Variants in ABCC2 observed in about 807,000 individuals in gnomAD.
The protein encoded by ABCC2 is ATP-binding cassette sub-family C member 2.
Under a neutral mutation model 173.4 loss-of-function variants are expected in ABCC2, and 157 were observed. The observed-to-expected ratio is 0.91, with a 90% CI of 0.80 to 1.03. The LOEUF (loss-of-function observed/expected upper bound fraction) is 1.03, where lower values mean the gene tolerates loss of function less well. ABCC2 is among the 50% of genes least tolerant of loss of function. The pLI, the probability that ABCC2 is intolerant of heterozygous loss-of-function variation, is 0.00. For synonymous variants in ABCC2, 657 were observed against 693.5 expected (o/e 0.95, Z 0.83); for missense variants, 1,822 against 1,852.3 (o/e 0.98, Z 0.30).
chr10:99,838,147 G>A (rs1349864900), intron 25 of ABCC2, among the ~76,000 whole-genome samples: 162 of 72,666 alleles, frequency 2.2e-3, no homozygotes, highest in Non-Finnish European at 3.2e-3. Context: ...CTGGCCGGGC[G>A]GGGGGCTGAC....
In ABCC2 at chr10:99,840,691, GT is replaced by G. The variant is rs1203037462; in HGVS notation, c.3615-1271del. Among the ~76,000 whole-genome samples the G allele has an allele frequency of 4.6e-5, 7 of 151,790 alleles. No homozygotes were observed. The East Asian group carries it at 1.4e-3, about 30-fold the overall frequency. ...CACGCCCAGCTATTTTTGTTTGTTT[GT>G]TTTTAGTAGAGAAGGGGTTTCACCA... On this transcript the variant is annotated intron_variant, in intron 25 of 31. Coordinates refer to ENST00000647814, the MANE Select transcript of ABCC2 (RefSeq NM_000392.5).
intron 14 of ABCC2, among the ~76,000 whole-genome samples, chr10:99,810,981 G>A (rs1246220896): frequency 1.3e-5 from 2 of 151,298 alleles, no homozygotes. Flanking sequence ...CTGAGATTGC[G>A]CCATTGCACT....
At chr10:99,785,581 A>G (rs11598792) in intron 2 of ABCC2, among the ~76,000 whole-genome samples, 6,828 of 152,176 alleles carry the variant, frequency 0.045, 232 homozygotes, top group Non-Finnish European at 0.072. Flanking sequence ...CAGTGGCACT[A>G]TCTCGGCTCA....
intron 19 of ABCC2, among the ~76,000 whole-genome samples, chr10:99,822,546 C>G (rs1281509887): frequency 6.6e-6 from 1 of 151,782 alleles, no homozygotes; most frequent in Non-Finnish European, 1.5e-5. Context: ...GAAACACAAG[C>G]AAAACCTCTC....
At chr10:99,827,890 G>A (rs1282705566) in intron 19 of ABCC2, among the ~76,000 whole-genome samples, 6 of 133,972 alleles carry the variant, frequency 4.5e-5, no homozygotes, top group African/African-American at 5.7e-5. Flanking sequence ...ATCTCTCGTC[G>A]ACTTGTGCTC....
intron 6 of ABCC2, 136 bp downstream of exon 6, chr10:99,794,604 G>T: frequency 1.2e-6 from 1 of 831,830 alleles, no homozygotes; most frequent in East Asian, 2.8e-5. Context: ...GAGTGCAATG[G>T]TGTGATCTTG....
rs1386196770 is a variant in ABCC2 at position 99,814,305 on chromosome 10, A to G, written c.2094+1161A>G. On this transcript the variant is annotated intron_variant, in intron 16 of 31. Transcript: ENST00000647814. ...TGTATACACACACGTATGTATACAC[A>G]CATGTATATACACACGTATGTATAC... 1.3e-3 allele frequency among the ~76,000 whole-genome samples: 93 copies of G among 71,864 alleles called. 3 individuals are homozygous for G. The highest frequency in any genetic ancestry group is 7.6e-3 in the Middle Eastern group (1 of 132). 47.1% of individuals were successfully genotyped at this position (71,864 alleles called of 152,430 possible).
At chr10:99,814,658 T>TATACAC in intron 16 of ABCC2, among the ~76,000 whole-genome samples, 1 of 119,718 alleles carries the variant, frequency 8.4e-6, no homozygotes, top group East Asian at 2.5e-4. Context: ...TACACACACA[T>TATACAC]ATGTGTATAT....
intron 21 of ABCC2, 57 bp from the exon 22 acceptor site, chr10:99,831,554 A>G (rs1003715401): frequency 5.8e-6 from 9 of 1,538,928 alleles, no homozygotes; most frequent in Admixed American, 3.3e-5. Context: ...ATTCTAGGTG[A>G]TTCCTTATCA....
At chr10:99,795,420 C>G (rs1182619400) in intron 6 of ABCC2, among the ~76,000 whole-genome samples, 1 of 152,038 alleles carries the variant, frequency 6.6e-6, no homozygotes, top group Admixed American at 6.6e-5. Context: ...ATTTCTCAGC[C>G]TGGCATGGTA....
At position 99,848,487 on chromosome 10, in the gene ABCC2, A is replaced by ATTATT. The variant is rs377551427; in HGVS notation, c.4313+1360_4313+1361insTTATT. Among the ~76,000 whole-genome samples the ATTATT allele has an allele frequency of 7.0e-4, 107 of 152,276 alleles. 1 individual carries two copies. Among genetic ancestry groups the ATTATT allele is most frequent in the African/African-American group, 2.5e-3 (105 of 41,556 alleles). On this transcript the variant is annotated intron_variant, in intron 30 of 31. Coordinates refer to ENST00000647814, the MANE Select transcript of ABCC2 (RefSeq NM_000392.5). ...GCCTCAGTGGTGGTAGGCAGGGAATAGGCCGTTGGCAAGTTGAAGCTCAGG... is the reference window on the plus strand; with the variant it reads ...GCCTCAGTGGTGGTAGGCAGGGAATATTATTGGCCGTTGGCAAGTTGAAGCTCAGG...
At chr10:99,812,341 A>G (rs1360278421) in intron 15 of ABCC2, among the ~76,000 whole-genome samples, 1 of 152,198 alleles carries the variant, frequency 6.6e-6, no homozygotes, top group African/African-American at 2.4e-5. Context: ...TAGGTCTGGA[A>G]GAAATTCACC....
At chr10:99,848,816 T>G (rs901627461) in intron 30 of ABCC2, among the ~76,000 whole-genome samples, 2 of 152,122 alleles carry the variant, frequency 1.3e-5, no homozygotes, top group African/African-American at 4.8e-5. Flanking sequence ...GAACAAGCCC[T>G]GGTAGAGAAC....
chr10:99,842,077 T>G lies in ABCC2; in HGVS notation c.3725T>G (p.Leu1242Arg). 6.2e-7 allele frequency: 1 copy of G among 1,614,242 alleles called. No individual in the cohort carries two copies. Among genetic ancestry groups the G allele is most frequent in the Non-Finnish European group, 8.5e-7 (1 of 1,180,030 alleles). The change falls in exon 26 of 32, where the codon CTG becomes CGG. Residue 1242 changes from leucine (L) to arginine (R), a missense_variant. Transcript: ENST00000647814. ...TLSGDTVGFV[L>R]SNALNITQTL... is the part of the protein sequence containing the mutation. ...AGTGGGGACACTGTTGGCTTTGTTC[T>G]GTCCAATGCACTCAATGTGAGTTTG... is the stretch of plus-strand genomic sequence containing the variant.
chr10:99,804,236 T>A lies in ABCC2; in HGVS notation c.1427T>A (p.Ile476Asn). 6.2e-7 allele frequency: 1 copy of A among 1,614,144 alleles called. No homozygotes were observed. The highest frequency in any genetic ancestry group is 8.5e-7 in the Non-Finnish European group (1 of 1,180,014). The change falls in exon 10 of 32, where the codon ATT (isoleucine) becomes AAT (asparagine). Residue 476 changes from isoleucine to asparagine, a missense_variant. Ile to Asn is a moderately radical substitution (Grantham distance 149, BLOSUM62 -3). Coordinates refer to ENST00000647814, the MANE Select transcript of ABCC2 (RefSeq NM_000392.5). Reference sequence around the variant, plus strand: ...GGGGTGATGGTGCTTGTAATCCCAATTAATGCGATACTGTCCACCAAGAGT... The same window carrying A: ...GGGGTGATGGTGCTTGTAATCCCAAATAATGCGATACTGTCCACCAAGAGT... The part of the protein sequence containing the change: ...GVGVMVLVIP[I>N]NAILSTKSKT...
chr10:99,833,440 T>C (rs923370019), intron 23 of ABCC2, among the ~76,000 whole-genome samples: 1 of 152,128 alleles, frequency 6.6e-6, no homozygotes, highest in Non-Finnish European at 1.5e-5. Context: ...TTATATAGTA[T>C]GTTTCGTTGG....
Position 99,848,399 on chromosome 10 carries a change from A to G in ABCC2, c.4313+1272A>G, listed in dbSNP as rs547863883. ...AACATTTTTGTTTTTCCTTCCACAC[A>G]CTGAAGTTCTGCCCTCAGCCAAAGC... On this transcript the variant is annotated intron_variant, in intron 30 of 31. Transcript: ENST00000647814. 1.3e-4 allele frequency among the ~76,000 whole-genome samples: 20 copies of G among 152,182 alleles called. No homozygotes were observed. In the South Asian group the frequency reaches 3.3e-3, roughly 25 times the overall value.
At position 99,826,047 on chromosome 10, in the gene ABCC2, T is replaced by C. The variant is rs555564012; in HGVS notation, c.2621-4260T>C. Among the ~76,000 whole-genome samples, 578 of 152,308 alleles carry C rather than the reference T, an allele frequency of 3.8e-3. 3 individuals are homozygous for C. The highest frequency in any genetic ancestry group is 0.013 in the African/African-American group (546 of 41,560). The stretch of plus-strand genomic sequence containing the variant: ...TTTAGAACGACATTGACTAGCCCAA[T>C]GTTTTCCTTTTTTACATCTTGGACA... On this transcript the variant is annotated intron_variant, in intron 19 of 31. Coordinates refer to ENST00000647814, the MANE Select transcript of ABCC2 (RefSeq NM_000392.5).
intron 23 of ABCC2, among the ~76,000 whole-genome samples, chr10:99,833,659 G>C (rs1397803692): frequency 6.6e-6 from 1 of 152,126 alleles, no homozygotes; most frequent in Non-Finnish European, 1.5e-5. Context: ...ATAGGACTTT[G>C]GGAAAGGTAG....
Sources: allele counts gnomAD v4.1 joint callset (sites outside exome capture counted in the v4.1 genomes callset), GRCh38; gene constraint gnomAD v4.1.1; transcripts MANE v1.5; gene names NCBI Gene and HGNC (gene_info 2026-07-23, HGNC 2026-07-21).